EIPR1: variants seen among roughly 807,000 people sequenced by gnomAD.
The protein encoded by EIPR1 is EARP complex and GARP complex interacting protein 1, also known as EARP and GARP complex-interacting protein 1.
A neutral mutation model predicts 48.1 loss-of-function variants in EIPR1; 25 were observed. The observed-to-expected ratio is 0.52, with a 90% CI of 0.38 to 0.73. The LOEUF is 0.73. Among genes scored for constraint, EIPR1 ranks in the 30% least tolerant of loss-of-function variants. The pLI is 0.00. For missense variants in EIPR1, 415 were observed against 506.2 expected, an observed-to-expected ratio of 0.82 and a Z score of 1.73; for synonymous variants, 204 against 201.9, an observed-to-expected ratio of 1.01 and a Z score of -0.09.
At chr2:3,321,134 C>T (rs1176710481) in intron 3 of EIPR1, among the ~76,000 whole-genome samples, 1 of 152,114 alleles carries the variant, frequency 6.6e-6, no homozygotes, top group East Asian at 1.9e-4. Flanking sequence ...GGAGAGCTCT[C>T]GGGAATGTGC....
intron 4 of EIPR1, among the ~76,000 whole-genome samples, chr2:3,253,382 C>T (rs1667060376): frequency 6.6e-6 from 1 of 152,166 alleles, no homozygotes; most frequent in East Asian, 1.9e-4. Flanking sequence ...GTTCCCAGGA[C>T]CCCCTGAGGG....
At chr2:3,319,967 C>T (rs112866864) in intron 3 of EIPR1, 1 of 193,080 alleles carries the variant, frequency 5.2e-6, no homozygotes, top group African/African-American at 2.6e-5. Flanking sequence ...GCGGGCAACA[C>T]CACCCCTGAG....
rs1354600159 is a variant in EIPR1 at position 3,217,651 on chromosome 2, C to CCTCT, written c.417-3407_417-3404dup. ...CACTGCAGATTAGTGGAGAAGCCGC[C>CCTCT]CTCTGTGAAGCAATGGGCTCCACAG... On this transcript the variant is annotated intron_variant, in intron 4 of 8. Coordinates refer to ENST00000382125, the MANE Select transcript of EIPR1 (RefSeq NM_003310.5). Among the ~76,000 whole-genome samples, 17 of 152,228 alleles carry CCTCT rather than the reference C, an allele frequency of 1.1e-4. No homozygotes were observed. The East Asian group carries it at 3.1e-3, about 28-fold the overall frequency.
chr2:3,344,199 C>T (rs568573214), intron 2 of EIPR1, among the ~76,000 whole-genome samples: 2 of 152,344 alleles, frequency 1.3e-5, no homozygotes, highest in Non-Finnish European at 2.9e-5. Flanking sequence ...CTCACCCTGA[C>T]GGCCACCAGG....
Position 3,279,927 on chromosome 2 carries a change from C to T in EIPR1, c.260-22472G>A, listed in dbSNP as rs546175212. ...CAGGACCTCATCCTCTTACTAGTCACCGCAGCGCAGCCTGGAGCCTATCAG... is the reference window on the plus strand; with the variant it reads ...CAGGACCTCATCCTCTTACTAGTCATCGCAGCGCAGCCTGGAGCCTATCAG... On this transcript the variant is annotated intron_variant, in intron 3 of 8. Coordinates refer to ENST00000382125, the MANE Select transcript of EIPR1 (RefSeq NM_003310.5). Among the ~76,000 whole-genome samples, 4 of 152,374 alleles carry T rather than the reference C, an allele frequency of 2.6e-5. No homozygotes were observed. In the South Asian group the frequency reaches 8.3e-4, roughly 32 times the overall value.
At chr2:3,263,347 G>A (rs981780421) in intron 3 of EIPR1, among the ~76,000 whole-genome samples, 1 of 152,218 alleles carries the variant, frequency 6.6e-6, no homozygotes, top group Non-Finnish European at 1.5e-5. Context: ...AGTATTGCAT[G>A]TGGCAAGGTG....
intron 5 of EIPR1, among the ~76,000 whole-genome samples, chr2:3,199,959 G>A (rs1399131165): frequency 2.0e-5 from 3 of 146,422 alleles, no homozygotes; most frequent in Non-Finnish European, 4.6e-5. Flanking sequence ...ATTGGGGGGT[G>A]TGTCCACATC....
intron 4 of EIPR1, among the ~76,000 whole-genome samples, chr2:3,253,004 C>T (rs939876476): frequency 2.0e-5 from 3 of 152,162 alleles, no homozygotes; most frequent in African/African-American, 7.2e-5. Flanking sequence ...AAGTGGGGAT[C>T]GGACGTGCCT....
chr2:3,293,675 C>T (rs1299099586), intron 3 of EIPR1, among the ~76,000 whole-genome samples: 4 of 152,174 alleles, frequency 2.6e-5, no homozygotes, highest in Non-Finnish European at 2.9e-5. Context: ...GGAATGGTCC[C>T]GACAGCTGTT....
chr2:3,248,727 C>T (rs1454995556), intron 4 of EIPR1, among the ~76,000 whole-genome samples: 2 of 152,322 alleles, frequency 1.3e-5, no homozygotes, highest in South Asian at 2.1e-4. Flanking sequence ...GCCAAGATGG[C>T]ACCATGACAC....
intron 3 of EIPR1, among the ~76,000 whole-genome samples, chr2:3,281,600 C>T (rs979743938): frequency 6.6e-6 from 1 of 152,146 alleles, no homozygotes; most frequent in Non-Finnish European, 1.5e-5. Context: ...GCAACACCCA[C>T]GTATACAGGA....
chr2:3,368,776 T>C (rs1159223106), intron 1 of EIPR1, among the ~76,000 whole-genome samples: 3 of 152,224 alleles, frequency 2.0e-5, no homozygotes, highest in Non-Finnish European at 4.4e-5. Context: ...AAACTAAAAG[T>C]GTGCAAAAGC....
chr2:3,225,600 T>C (rs1411937743), intron 4 of EIPR1, among the ~76,000 whole-genome samples: 5 of 152,178 alleles, frequency 3.3e-5, no homozygotes, highest in Non-Finnish European at 1.5e-5. Context: ...CACAATTAAC[T>C]AATAACATAT....
intron 3 of EIPR1, among the ~76,000 whole-genome samples, chr2:3,268,037 G>C (rs965397364): frequency 6.6e-6 from 1 of 152,200 alleles, no homozygotes; most frequent in Admixed American, 6.5e-5. Flanking sequence ...AAGAGGCAGG[G>C]GCTTCCACGC....
At chr2:3,362,979 G>A (rs898890336) in intron 1 of EIPR1, among the ~76,000 whole-genome samples, 9 of 152,234 alleles carry the variant, frequency 5.9e-5, no homozygotes, top group African/African-American at 2.2e-4. Context: ...TGTCTTCTCA[G>A]GAAGCTGTTT....
intron 5 of EIPR1, among the ~76,000 whole-genome samples, chr2:3,209,817 A>G (rs1378540901): frequency 6.6e-6 from 1 of 152,240 alleles, no homozygotes; most frequent in African/African-American, 2.4e-5. Flanking sequence ...TCCTGGAAAA[A>G]GCAAAACAAT....
chr2:3,232,862 T>C (rs946790605), intron 4 of EIPR1, among the ~76,000 whole-genome samples: 11 of 152,166 alleles, frequency 7.2e-5, no homozygotes, highest in African/African-American at 2.7e-4. Flanking sequence ...GCACATACAC[T>C]TAGATGTAAC....
chr2:3,222,251 G>C (rs1011651197), intron 4 of EIPR1, among the ~76,000 whole-genome samples: 1 of 152,232 alleles, frequency 6.6e-6, no homozygotes, highest in Non-Finnish European at 1.5e-5. Context: ...TAAAATAAGT[G>C]GGGGAGAGGA....
intron 3 of EIPR1, among the ~76,000 whole-genome samples, chr2:3,266,526 C>T (rs570074722): frequency 6.6e-6 from 1 of 152,316 alleles, no homozygotes; most frequent in South Asian, 2.1e-4. Flanking sequence ...TTGCAGAAGG[C>T]GGCAAGGCTG....
Sources: gnomAD v4.1 joint callset for allele counts (sites outside exome capture counted in the v4.1 genomes callset) on GRCh38, gnomAD v4.1.1 for gene constraint, MANE v1.5 for transcripts, NCBI Gene and HGNC (gene_info 2026-07-23, HGNC 2026-07-21) for gene names.